Variants in ITGB2 observed in about 807,000 individuals in gnomAD.
ITGB2 encodes the protein integrin beta-2.
In ITGB2, 56 loss-of-function variants were observed where a neutral mutation model predicts 86.8. That is an observed-to-expected ratio of 0.65 (90% CI 0.52 to 0.81). ITGB2 has a LOEUF of 0.81. Ranked by LOEUF, ITGB2 falls within the 30% of genes least tolerant of loss-of-function variation. The pLI, the probability that ITGB2 is intolerant of heterozygous loss-of-function variation, is 0.00. For synonymous variants in ITGB2, 457 were observed against 450.4 expected (o/e 1.01, Z -0.19); for missense variants, 948 against 1,061.2 (o/e 0.89, Z 1.48).
intron 1 of ITGB2, chr21:44,911,038 C>A: frequency 1.8e-6 from 1 of 567,584 alleles, no homozygotes. Context: ...CAGCGGGCCC[C>A]TGCAGAGGCA....
At chr21:44,894,093 G>C (rs897115491) in intron 9 of ITGB2, 3 of 227,010 alleles carry the variant, frequency 1.3e-5, no homozygotes, top group African/African-American at 4.5e-5. Context: ...TAGGGGCATC[G>C]GGTGAATGGC....
upstream of ITGB2, among the ~76,000 whole-genome samples, chr21:44,922,032 C>T (rs2084313166): frequency 6.6e-6 from 1 of 152,212 alleles, no homozygotes; most frequent in Non-Finnish European, 1.5e-5. Context: ...CTCCTAAACT[C>T]TGTTTTAAAG....
rs940892202 is a variant in ITGB2, at chr21:44,892,758, ACAAAAAG to A, written c.1224+639_1224+645del. On this transcript the variant is annotated intron_variant, in intron 10 of 15. Transcript: ENST00000652462. ...CAAAAAAAAAAACAAAAAACAAAAA[ACAAAAAG>A]AAACAACAAATGATTGGATAATAAA... Among the ~76,000 whole-genome samples the A allele has an allele frequency of 3.9e-5, 6 of 152,024 alleles. No individual in the cohort carries two copies. In the East Asian group the frequency reaches 5.8e-4, roughly 15 times the overall value.
rs556597332 is a variant in ITGB2 at position 44,899,647 on chromosome 21, C to T, written c.898-485G>A. On this transcript the variant is annotated intron_variant, in intron 7 of 15. Transcript: ENST00000652462. ...AGCCTACAACGTCAGGCTGCAAGAG[C>T]GTCGCACTACGGCCAGCGAGGACAA... Among the ~76,000 whole-genome samples the T allele has an allele frequency of 3.1e-3, 474 of 152,326 alleles. 1 individual carries two copies. The highest frequency in any genetic ancestry group is 5.5e-3 in the Non-Finnish European group (377 of 68,034).
chr21:44,908,119 C>A, intron 3 of ITGB2: 1 of 728,578 alleles, frequency 1.4e-6, no homozygotes, highest in Non-Finnish European at 2.6e-6. Flanking sequence ...ACGGGAGCCA[C>A]CCGGCTTCTC....
chr21:44,897,837 G>A (rs919748662), intron 8 of ITGB2, among the ~76,000 whole-genome samples: 4 of 152,214 alleles, frequency 2.6e-5, no homozygotes, highest in African/African-American at 9.7e-5. Flanking sequence ...TGTCCCTGTG[G>A]CCTCAGGGCC....
Position 44,893,226 on chromosome 21 carries a change from A to T in ITGB2, c.1224+178T>A, listed in dbSNP as rs4818740. 95,858 of 665,020 alleles carry T rather than the reference A, an allele frequency of 0.14. 8,434 individuals carry two copies. The highest frequency in any genetic ancestry group is 0.36 in the East Asian group (13,038 of 36,706). The allele number at this position is 665,020 out of a possible 1,614,324, so 41.2% of individuals were successfully genotyped here. ...CAGTGGATGCTGCCTGCTCCCAGAC[A>T]GCCTCTGATGCCTGTGTGCCCCTCC... On this transcript the variant is annotated intron_variant, in intron 10 of 15. Transcript: ENST00000652462.
At chr21:44,890,278 A>T (rs1017904752) in intron 11 of ITGB2, 56 bp from the exon 12 acceptor site, 10 of 1,607,624 alleles carry the variant, frequency 6.2e-6, no homozygotes, top group Non-Finnish European at 6.8e-6. Context: ...GGGACAAGGG[A>T]CAGCCGCCCT....
chr21:44,908,869 G>A (rs1180596606), intron 3 of ITGB2, among the ~76,000 whole-genome samples: 2 of 152,216 alleles, frequency 1.3e-5, no homozygotes, highest in African/African-American at 4.8e-5. Flanking sequence ...CAGAACGGTA[G>A]AACGGGGATG....
Position 44,903,327 on chromosome 21 carries a change from A to C in ITGB2, c.499+38T>G, listed in dbSNP as rs541236497. The C allele has an allele frequency of 5.1e-5, 82 of 1,613,056 alleles. 1 individual carries two copies. The South Asian group carries it at 8.7e-4, about 17-fold the overall frequency. Reference sequence around the variant, plus strand: ...CAGGCAGGAGTGGCCAGGGTCTGGGAAAGGACTGGGTTTTGTCCTGCAGTG... The same window carrying C: ...CAGGCAGGAGTGGCCAGGGTCTGGGCAAGGACTGGGTTTTGTCCTGCAGTG... On this transcript the variant is annotated intron_variant, in intron 5 of 15. Coordinates refer to ENST00000652462, the MANE Select transcript of ITGB2 (RefSeq NM_000211.5).
At chr21:44,901,043 C>T (rs2083948987) in intron 6 of ITGB2, among the ~76,000 whole-genome samples, 1 of 152,190 alleles carries the variant, frequency 6.6e-6, no homozygotes, top group African/African-American at 2.4e-5. Flanking sequence ...GGCCCAGGGA[C>T]TGTGGCTGCT....
At chr21:44,912,748 C>CAGCT (rs1379999034) in intron 1 of ITGB2, among the ~76,000 whole-genome samples, 4 of 152,126 alleles carry the variant, frequency 2.6e-5, no homozygotes, top group Non-Finnish European at 5.9e-5. Flanking sequence ...ACCAGCCCCT[C>CAGCT]AGCTGATCGG....
chr21:44,917,306 T>A (rs190024530), intron 1 of ITGB2, among the ~76,000 whole-genome samples: 2 of 152,136 alleles, frequency 1.3e-5, no homozygotes, highest in African/African-American at 4.8e-5. Context: ...AGTGAATTTA[T>A]GGGGAAAAAA....
chr21:44,925,744 G>A (rs909026491), upstream of ITGB2, among the ~76,000 whole-genome samples: 7 of 152,190 alleles, frequency 4.6e-5, no homozygotes, highest in South Asian at 2.1e-4. Flanking sequence ...TGCCAACTCC[G>A]AGATAATCCC....
chr21:44,890,855 G>A lies in ITGB2; in HGVS notation c.1413-633C>T, dbSNP rs34063651. ...CCCCCCGACACCTGCCAAGTGTTCCGACTGAGTCACCCCTACAGTCCCGTG... is the reference window on the plus strand; with the variant it reads ...CCCCCCGACACCTGCCAAGTGTTCCAACTGAGTCACCCCTACAGTCCCGTG... On this transcript the variant is annotated intron_variant, in intron 11 of 15. Coordinates refer to ENST00000652462, the MANE Select transcript of ITGB2 (RefSeq NM_000211.5). 4.4e-3 allele frequency among the ~76,000 whole-genome samples: 665 copies of A among 152,240 alleles called. 4 individuals are homozygous for A. The highest frequency in any genetic ancestry group is 0.014 in the East Asian group (70 of 5,178).
At chr21:44,905,284 C>G (rs969490187) in intron 4 of ITGB2, among the ~76,000 whole-genome samples, 2 of 152,252 alleles carry the variant, frequency 1.3e-5, no homozygotes, top group African/African-American at 4.8e-5. Context: ...CTGTTAAGAT[C>G]TCTCCCTGGT....
At chr21:44,917,737 C>T (rs2084232660) in intron 1 of ITGB2, among the ~76,000 whole-genome samples, 1 of 152,176 alleles carries the variant, frequency 6.6e-6, no homozygotes, top group Non-Finnish European at 1.5e-5. Flanking sequence ...CAACACCTAC[C>T]CCAAGTTTCC....
rs746690393 is a variant in ITGB2, at chr21:44,886,356, C to T, written c.*12G>A. The stretch of plus-strand genomic sequence containing the variant: ...TGGTGGGTCCTGACGGCCTTGTCTT[C>T]ACCAAGTGCTCCTAACTCTCAGCAA... On this transcript the variant is annotated 3_prime_UTR_variant, in exon 16 of 16. Transcript: ENST00000652462. The T allele has an allele frequency of 6.2e-7, 1 of 1,613,804 alleles. No homozygotes were observed. The highest frequency in any genetic ancestry group is 1.1e-5 in the South Asian group (1 of 91,088).
At chr21:44,918,737 G>A (rs879672715) in intron 1 of ITGB2, among the ~76,000 whole-genome samples, 8 of 152,222 alleles carry the variant, frequency 5.3e-5, no homozygotes, top group Non-Finnish European at 7.4e-5. Context: ...GGCAGGTCAC[G>A]TCGATGCCGC....
Sources: allele counts gnomAD v4.1 joint callset (sites outside exome capture counted in the v4.1 genomes callset), GRCh38; gene constraint gnomAD v4.1.1; transcripts MANE v1.5; gene names NCBI Gene and HGNC (gene_info 2026-07-23, HGNC 2026-07-21).